Variants in BEST1 observed in about 807,000 individuals in gnomAD.
The protein encoded by BEST1 is bestrophin-1.
In BEST1, 58 loss-of-function variants were observed where a neutral mutation model predicts 63.3. That is an observed-to-expected ratio of 0.92 (90% CI 0.74 to 1.14). BEST1 has a LOEUF of 1.14. BEST1 is among the 50% of genes most tolerant of loss of function. The pLI, the probability that BEST1 is intolerant of heterozygous loss-of-function variation, is 0.00. For missense variants in BEST1, 671 were observed against 740.1 expected (o/e 0.91, Z 1.08); for synonymous variants, 283 against 291.6 (o/e 0.97, Z 0.30).
At chr11:61,965,223 A>G (rs574498507), downstream of BEST1, 1 of 1,591,710 alleles carries the variant, frequency 6.3e-7, no homozygotes, top group Non-Finnish European at 8.6e-7. Context: ...TGCCTAATTT[A>G]GTTTAGATGG....
Position 61,963,398 on chromosome 11 carries a change from G to A in BEST1, c.1739+505G>A, listed in dbSNP as rs534277781. On this transcript the variant is annotated intron_variant, in intron 10 of 10. Coordinates refer to ENST00000378043, the MANE Select transcript of BEST1 (RefSeq NM_004183.4). ...AGGAACTGGTAGATGGTGAGGTTGA[G>A]GGTGTCCAGCGCCCTTAGGTCATTT... 3 of 1,228,770 alleles carry A rather than the reference G, an allele frequency of 2.4e-6. No individual in the cohort carries two copies. In the South Asian group the frequency reaches 1.0e-4, roughly 42 times the overall value. 76.1% of individuals were successfully genotyped at this position (1,228,770 alleles called of 1,614,324 possible). A position where few individuals can be genotyped will look rare whatever the true frequency, so the allele number is the denominator to read the frequency against.
At chr11:61,956,821 G>A (rs1292604296) in intron 4 of BEST1, 23 bp from the exon 5 acceptor site, 22 of 1,613,692 alleles carry the variant, frequency 1.4e-5, no homozygotes, top group Non-Finnish European at 1.6e-5. Context: ...CCCACCCACC[G>A]CCTTCTTCAC....
intron 9 of BEST1, chr11:61,961,424 G>A (rs933847832): frequency 6.6e-6 from 1 of 152,360 alleles, no homozygotes; most frequent in Non-Finnish European, 1.5e-5. Flanking sequence ...AAGGCTGGAG[G>A]CTTGCTTAGG....
intron 10 of BEST1, 92 bp from the exon 11 acceptor site, chr11:61,964,012 G>A (rs567717860): frequency 3.1e-5 from 48 of 1,565,164 alleles, no homozygotes; most frequent in Middle Eastern, 3.9e-4. Flanking sequence ...AAAAAGGATC[G>A]TCTCAACCTT....
downstream of BEST1, chr11:61,965,077 A>G (rs770111345): frequency 1.2e-6 from 2 of 1,608,348 alleles, no homozygotes; most frequent in East Asian, 4.5e-5. Context: ...ACTCCATTGC[A>G]TTCAGCCCGC....
Position 61,962,515 on chromosome 11 carries a change from A to G in BEST1, c.1361A>G (p.Lys454Arg), listed in dbSNP as rs1942175092. The change falls in exon 10 of 11, where the codon AAG (lysine) becomes AGG (arginine). Residue 454 changes from lysine (K) to arginine (R), a missense_variant. Transcript: ENST00000378043. ...AAGCTTAAGGCTGTGGACGCCTTCA[A>G]GTCTGCCCCACTGTATCAGAGGCCA... ...AWKLKAVDAFKSAPLYQRPGY... is the reference protein window; with the variant it reads ...AWKLKAVDAFRSAPLYQRPGY... 1.2e-6 allele frequency: 2 copies of G among 1,614,094 alleles called. No homozygotes were observed. The highest frequency in any genetic ancestry group is 1.1e-5 in the South Asian group (1 of 91,086).
At chr11:61,954,468 ACT>A (rs1166230659) in intron 2 of BEST1, among the ~76,000 whole-genome samples, 1 of 151,784 alleles carries the variant, frequency 6.6e-6, no homozygotes, top group Non-Finnish European at 1.5e-5. Context: ...AAAGCCAAAC[ACT>A]CTGTTTCTTT....
chr11:61,955,801 T>A lies in BEST1; in HGVS notation c.331T>A (p.Ser111Thr). Residue 111 changes from serine to threonine, a missense_variant, in exon 4 of 11, where the codon TCG (serine) becomes ACG (threonine). By Grantham distance (58) the Ser-to-Thr change is moderately conservative. Coordinates refer to ENST00000378043, the MANE Select transcript of BEST1 (RefSeq NM_004183.4). ...PWPDRLMSLV[S>T]GFVEGKDEQG... is the part of the protein sequence containing the mutation. The stretch of plus-strand genomic sequence containing the variant: ...GCCCGACCGCCTCATGAGCCTGGTG[T>A]CGGGCTTCGTCGAAGGCAAGGACGA... The A allele has an allele frequency of 6.5e-7, 1 of 1,550,294 alleles. No individual in the cohort carries two copies. Among genetic ancestry groups the A allele is most frequent in the Non-Finnish European group, 8.7e-7 (1 of 1,146,908 alleles).
chr11:61,960,383 CT>C (rs1250817810), intron 9 of BEST1: 1 of 383,982 alleles, frequency 2.6e-6, no homozygotes, highest in Non-Finnish European at 4.9e-6. Flanking sequence ...GTTTTCTTTT[CT>C]TTTTGAGACA....
chr11:61,954,285 C>T (rs976079848), intron 2 of BEST1, among the ~76,000 whole-genome samples: 1 of 152,152 alleles, frequency 6.6e-6, no homozygotes, highest in Non-Finnish European at 1.5e-5. Context: ...ATCCCTGAAC[C>T]CACAGTGACA....
chr11:61,955,151 CTCTG>C lies in BEST1; in HGVS notation c.199_202del (p.Leu67IlefsTer19). 2 of 1,613,832 alleles carry C rather than the reference CTCTG, an allele frequency of 1.2e-6. No individual in the cohort carries two copies. The highest frequency in any genetic ancestry group is 1.7e-5 in the Admixed American group (1 of 60,026). ...CAACAGCTGATGTTTGAGAAACTGA[CTCTG>C]TATTGCGACAGCTACATCCAGCTCA... On this transcript the variant is annotated frameshift_variant, in exon 3 of 11. Coordinates refer to ENST00000378043, the MANE Select transcript of BEST1 (RefSeq NM_004183.4). LOFTEE classifies it high-confidence loss of function.
chr11:61,960,037 A>G lies in BEST1; in HGVS notation c.1094A>G (p.Asn365Ser). The G allele has an allele frequency of 6.2e-7, 1 of 1,608,382 alleles. No individual in the cohort carries two copies. The highest frequency in any genetic ancestry group is 8.5e-7 in the Non-Finnish European group (1 of 1,177,978). Residue 365 changes from asparagine to serine, a missense_variant, in exon 9 of 11, where the codon AAC becomes AGC. Transcript: ENST00000378043. ...RRASFMGSTF[N>S]ISLNKEEMEF... is the part of the protein sequence containing the mutation. ...GCCTCCTTTATGGGCTCCACCTTCA[A>G]CATCAGGTGTGGCCAGAGCCAGGGG...
At chr11:61,959,642 C>A (rs1941832178) in intron 8 of BEST1, 64 bp downstream of exon 8, 5 of 1,564,578 alleles carry the variant, frequency 3.2e-6, no homozygotes, top group Non-Finnish European at 4.4e-6. Context: ...AAGAGAGGAC[C>A]CCACTGTTCT....
chr11:61,958,731 A>T (rs1212944974), intron 7 of BEST1: 5 of 390,522 alleles, frequency 1.3e-5, no homozygotes, highest in Non-Finnish European at 1.9e-5. Context: ...CTCCGAACAG[A>T]TGTTCTGAAT....
At chr11:61,951,145 G>A (rs1213710185) in intron 1 of BEST1, among the ~76,000 whole-genome samples, 1 of 152,182 alleles carries the variant, frequency 6.6e-6, no homozygotes, top group African/African-American at 2.4e-5. Flanking sequence ...CTAGCCCAGA[G>A]GACCTGAGCT....
intron 2 of BEST1, among the ~76,000 whole-genome samples, chr11:61,952,424 G>T (rs565935914): frequency 2.0e-5 from 3 of 150,684 alleles, no homozygotes; most frequent in African/African-American, 7.3e-5. Context: ...TGGGATTACA[G>T]GTGTGAGCTA....
At chr11:61,952,038 C>T (rs1219231373) in intron 2 of BEST1, 80 bp downstream of exon 2, 1 of 1,518,958 alleles carries the variant, frequency 6.6e-7, no homozygotes, top group Non-Finnish European at 9.0e-7. Flanking sequence ...TCCCAGCCAG[C>T]TCAGGGGCCA....
rs57132800 is a variant in BEST1 at position 61,955,167 on chromosome 11, C to T, written c.213C>T (p.Ser71=). ...MFEKLTLYCD[S]YIQLIPISFV... ...AGAAACTGACTCTGTATTGCGACAG[C>T]TACATCCAGCTCATCCCCATTTCCT... Residue 71 remains serine, a synonymous_variant, in exon 3 of 11, where the codon AGC becomes AGT. Transcript: ENST00000378043. 797 of 1,614,224 alleles carry T rather than the reference C, an allele frequency of 4.9e-4. 4 individuals are homozygous for T. In the African/African-American group the frequency reaches 9.5e-3, roughly 19 times the overall value.
rs1337769999 is a variant in BEST1, at chr11:61,957,013, C to T, written c.636+15C>T. 6.2e-7 allele frequency: 1 copy of T among 1,614,034 alleles called. No homozygotes were observed. Among genetic ancestry groups the T allele is most frequent in the Non-Finnish European group, 8.5e-7 (1 of 1,179,988 alleles). On this transcript the variant is annotated intron_variant, in intron 5 of 10. Transcript: ENST00000378043. Reference sequence around the variant, plus strand: ...GCCTGCTGAACGTGAGCCCACTGTACAGACAGGGCTGCCGCAGAGTGGGAA... The same window carrying T: ...GCCTGCTGAACGTGAGCCCACTGTATAGACAGGGCTGCCGCAGAGTGGGAA...
Sources: allele counts gnomAD v4.1 joint callset (sites outside exome capture counted in the v4.1 genomes callset), GRCh38; gene constraint gnomAD v4.1.1; transcripts MANE v1.5; gene names NCBI Gene and HGNC (gene_info 2026-07-23, HGNC 2026-07-21).